Variants in ODF2 observed in about 807,000 individuals in gnomAD.
The protein encoded by ODF2 is outer dense fiber protein 2.
In ODF2, 47 loss-of-function variants were observed where a neutral mutation model predicts 110.2. The observed-to-expected ratio is 0.43, with a 90% CI of 0.34 to 0.54. The LOEUF (loss-of-function observed/expected upper bound fraction) is 0.54. Among genes scored for constraint, ODF2 ranks in the 20% least tolerant of loss-of-function variants. The pLI, the probability that ODF2 is intolerant of heterozygous loss-of-function variation, is 0.03. For synonymous variants in ODF2, 352 were observed against 397.7 expected, an observed-to-expected ratio of 0.89 and a Z score of 1.37; for missense variants, 812 against 1,054.5, an observed-to-expected ratio of 0.77 and a Z score of 3.19.
At chr9:128,498,509 G>C in exon 19 of ODF2, 1 of 1,611,966 alleles carries the variant, frequency 6.2e-7, no homozygotes, top group Non-Finnish European at 8.5e-7. Context: ...GGCTGGAGGA[G>C]AAAACACGGG....
chr9:128,489,768 A>G (rs1191756296), intron 14 of ODF2, among the ~76,000 whole-genome samples: 1 of 152,160 alleles, frequency 6.6e-6, no homozygotes, highest in African/African-American at 2.4e-5. Context: ...TGGGGTGTGC[A>G]TTAAGTCTAT....
At chr9:128,463,330 A>G (rs186924296) in intron 4 of ODF2, among the ~76,000 whole-genome samples, 13 of 152,192 alleles carry the variant, frequency 8.5e-5, no homozygotes, top group Admixed American at 3.9e-4. Flanking sequence ...GCAAAGACTG[A>G]GGTAGAGGCT....
chr9:128,495,902 C>G (rs1188161979), intron 17 of ODF2, 139 bp from the exon 18 acceptor site: 1 of 945,574 alleles, frequency 1.1e-6, no homozygotes, highest in Non-Finnish European at 1.6e-6. Context: ...CCTTTCTCCT[C>G]TAGGTTGTGC....
At chr9:128,481,887 AATG>A (rs1218470653) in intron 9 of ODF2, among the ~76,000 whole-genome samples, 10 of 152,206 alleles carry the variant, frequency 6.6e-5, no homozygotes, top group South Asian at 2.1e-4. Context: ...TAGAGAGGGT[AATG>A]ATGATGTTGG....
intron 1 of ODF2, chr9:128,456,556 C>A (rs1181746713): frequency 8.5e-6 from 13 of 1,527,384 alleles, no homozygotes; most frequent in Non-Finnish European, 1.1e-5. Context: ...TGGGCAGAAA[C>A]CGGTACCCTC....
intron 4 of ODF2, among the ~76,000 whole-genome samples, chr9:128,463,585 G>A (rs1837062642): frequency 1.3e-5 from 2 of 152,168 alleles, no homozygotes; most frequent in South Asian, 4.1e-4. Context: ...AAAGGACCCT[G>A]TCTCAAAAAC....
chr9:128,499,472 T>C (rs1340813214), intron 20 of ODF2, among the ~76,000 whole-genome samples: 1 of 152,122 alleles, frequency 6.6e-6, no homozygotes, highest in East Asian at 1.9e-4. Context: ...TGTGTGTATT[T>C]TTAGTAGAGA....
chr9:128,495,006 G>A lies in ODF2; in HGVS notation c.1911+338G>A, dbSNP rs147740637. On this transcript the variant is annotated intron_variant, in intron 17 of 20. Transcript: ENST00000604420. ...GGGAGATGCCAGCAGACACCGAGCC[G>A]TAGAATTTCTTTTTTTCTCTTGCTT... Among the ~76,000 whole-genome samples the A allele has an allele frequency of 3.0e-3, 456 of 152,300 alleles. 1 individual carries two copies. Among genetic ancestry groups the A allele is most frequent in the African/African-American group, 8.9e-3 (369 of 41,568 alleles).
exon 18 of ODF2, chr9:128,496,043 C>G (rs766258235): frequency 6.2e-7 from 1 of 1,613,484 alleles, no homozygotes; most frequent in East Asian, 2.2e-5. Flanking sequence ...CATTTTAGAT[C>G]GAACACCAGG....
In ODF2 at chr9:128,498,997, G is replaced by A. The variant is rs770885385; in HGVS notation, c.2176-4G>A. On this transcript the variant is annotated splice_polypyrimidine_tract_variant and splice_region_variant and intron_variant, in intron 19 of 20. Coordinates refer to ENST00000604420, the Ensembl canonical transcript of ODF2. ...GTCTCATGTCTGGGCCTTTGAATGT[G>A]CAGGTGGAACAAACCAAGGAGCACG... 1.2e-6 allele frequency: 2 copies of A among 1,613,400 alleles called. No individual in the cohort carries two copies. The highest frequency in any genetic ancestry group is 1.7e-6 in the Non-Finnish European group (2 of 1,179,340).
chr9:128,458,281 C>G (rs758512981), intron 2 of ODF2, among the ~76,000 whole-genome samples: 1 of 151,978 alleles, frequency 6.6e-6, no homozygotes, highest in Non-Finnish European at 1.5e-5. Flanking sequence ...GGTGAAACCC[C>G]GTCTTTACTA....
chr9:128,476,446 C>A (rs1455052962), intron 8 of ODF2, among the ~76,000 whole-genome samples: 1 of 151,922 alleles, frequency 6.6e-6, no homozygotes, highest in African/African-American at 2.4e-5. Flanking sequence ...TGCCACCACA[C>A]CGGGCTACTT....
Position 128,459,661 on chromosome 9 carries a change from G to A in ODF2, c.123+4G>A. The A allele has an allele frequency of 6.2e-7, 1 of 1,608,508 alleles. No homozygotes were observed. Among genetic ancestry groups the A allele is most frequent in the Non-Finnish European group, 8.5e-7 (1 of 1,175,072 alleles). On this transcript the variant is annotated splice_donor_region_variant and intron_variant, in intron 3 of 20. Transcript: ENST00000604420. ...CGCACCCAGTGTAACTGTGACGGTA[G>A]GTGATGCACTCACGTAGCAGCCCTC...
intron 4 of ODF2, among the ~76,000 whole-genome samples, chr9:128,462,254 G>A (rs892476977): frequency 6.6e-6 from 1 of 151,104 alleles, no homozygotes; most frequent in Non-Finnish European, 1.5e-5. Flanking sequence ...TGGGTCAAGC[G>A]ATTCTCCTGC....
In ODF2 at chr9:128,485,340, A is replaced by G; in HGVS notation, c.1291-25A>G. 7.7e-7 allele frequency: 1 copy of G among 1,299,744 alleles called. No individual in the cohort carries two copies. The highest frequency in any genetic ancestry group is 1.1e-6 in the Non-Finnish European group (1 of 900,676). The allele number at this position is 1,299,744 out of a possible 1,614,324, so 80.5% of individuals were successfully genotyped here. A position where few individuals can be genotyped will look rare whatever the true frequency, so the allele number is the denominator to read the frequency against. On this transcript the variant is annotated intron_variant, in intron 12 of 20. Coordinates refer to ENST00000604420, the Ensembl canonical transcript of ODF2. This position sits in a 1 kb window ranked among gnomAD's most constrained non-coding sequence, Gnocchi z 5.0. Reference sequence around the variant, plus strand: ...GCCTCACCACTGACACTAGGCTAACAGGCCCTTTTGTCCCGTGTTCCCAGG... The same window carrying G: ...GCCTCACCACTGACACTAGGCTAACGGGCCCTTTTGTCCCGTGTTCCCAGG...
intron 3 of ODF2, chr9:128,460,575 C>A: frequency 6.2e-7 from 1 of 1,613,994 alleles, no homozygotes; most frequent in South Asian, 1.1e-5. Flanking sequence ...GACCGCTCTT[C>A]AACTCCCCCC....
exon 6 of ODF2, chr9:128,471,452 GAGA>G: frequency 6.2e-7 from 1 of 1,612,988 alleles, no homozygotes; most frequent in Non-Finnish European, 8.5e-7. Flanking sequence ...CATGAAGGAG[GAGA>G]AGGACTTCAC....
At chr9:128,484,100 C>A in intron 11 of ODF2, 46 bp downstream of exon 11, 2 of 1,379,090 alleles carry the variant, frequency 1.5e-6, no homozygotes, top group Non-Finnish European at 2.0e-6. Context: ...CAAGGGCCTG[C>A]CAATTTGATG....
chr9:128,472,797 C>A, intron 6 of ODF2, 116 bp from the exon 7 acceptor site: 2 of 1,502,734 alleles, frequency 1.3e-6, no homozygotes, highest in South Asian at 1.2e-5. Flanking sequence ...TCCCTGCCCC[C>A]TCCCCTACTT....
Sources: allele counts gnomAD v4.1 joint callset (sites outside exome capture counted in the v4.1 genomes callset), GRCh38; gene constraint gnomAD v4.1.1; non-coding constraint Gnocchi (gnomAD v3.1); transcripts MANE v1.5; gene names NCBI Gene and HGNC (gene_info 2026-07-23, HGNC 2026-07-21).